HIVEP2: variants seen among roughly 807,000 people sequenced by gnomAD.
HIVEP2 encodes the protein HIVEP zinc finger 2.
HIVEP2 carries 14 observed loss-of-function variants against 180.7 expected under a neutral mutation model. The ratio of observed to expected loss-of-function variants is 0.08; its 90% CI spans 0.05 to 0.12. The LOEUF (loss-of-function observed/expected upper bound fraction) is 0.12, where lower values mean the gene tolerates loss of function less well. Ranked by LOEUF, HIVEP2 falls within the 10% of genes least tolerant of loss-of-function variation. The pLI, the probability that HIVEP2 is intolerant of heterozygous loss-of-function variation, is 1.00. For missense variants in HIVEP2, 2,579 were observed against 3,008.5 expected (o/e 0.86, Z 3.34); for synonymous variants, 1,184 against 1,136.4 (o/e 1.04, Z -0.84).
intron 1 of HIVEP2, among the ~76,000 whole-genome samples, chr6:142,847,806 T>C (rs553254535): frequency 1.3e-5 from 2 of 152,334 alleles, no homozygotes; most frequent in African/African-American, 4.8e-5. Context: ...AGACTACAAA[T>C]CTACATGAAG....
intron 1 of HIVEP2, among the ~76,000 whole-genome samples, chr6:142,880,750 T>TG (rs1326769199): frequency 2.0e-5 from 3 of 152,156 alleles, no homozygotes; most frequent in Non-Finnish European, 2.9e-5. Context: ...GGCCTACAAC[T>TG]GGGCTCTTCC....
At position 142,760,454 on chromosome 6, in the gene HIVEP2, G is replaced by A. The variant is rs1775199345; in HGVS notation, c.5834C>T (p.Ser1945Phe). ...TACGGCGCCAACATTCACAGGCAAG[G>A]AGGAGAATCTAGGAGGCTGAGGACT... ...STSPQPPRFSSLPVNVGAVPH... is the reference protein window; with the variant it reads ...STSPQPPRFSFLPVNVGAVPH... Residue 1945 changes from serine (S) to phenylalanine (F), a missense_variant, in exon 9 of 10, where the codon TCC becomes TTC. Physicochemically the swap from Ser to Phe is radical, Grantham distance 155 (BLOSUM62 -2). This residue lies in a region of HIVEP2 where 660 missense variants were observed against 731.7 expected (regional missense o/e 0.90). Coordinates refer to ENST00000367603, the MANE Select transcript of HIVEP2 (RefSeq NM_006734.4). 2 of 1,614,178 alleles carry A rather than the reference G, an allele frequency of 1.2e-6. No individual in the cohort carries two copies. Among genetic ancestry groups the A allele is most frequent in the African/African-American group, 1.3e-5 (1 of 75,036 alleles).
chr6:142,848,522 C>T (rs1011299289), intron 1 of HIVEP2, among the ~76,000 whole-genome samples: 3 of 151,920 alleles, frequency 2.0e-5, no homozygotes, highest in African/African-American at 4.8e-5. Context: ...GAGTTCAAGA[C>T]CAGCCTGAGC....
At chr6:142,899,471 A>T (rs1265468105) in intron 1 of HIVEP2, among the ~76,000 whole-genome samples, 3 of 152,230 alleles carry the variant, frequency 2.0e-5, no homozygotes, top group Non-Finnish European at 4.4e-5. Flanking sequence ...CCTTGGGGAC[A>T]CATGCCTGCT....
At position 142,760,155 on chromosome 6, in the gene HIVEP2, G is replaced by T; in HGVS notation, c.6133C>A (p.His2045Asn). ...GAAGAATCATATCCTGGAGAGGAAT[G>T]GTGGCTTGAGGGTGAGAAGTCCCTG... is the stretch of plus-strand genomic sequence containing the variant. ...SPRDFSPSSHHSSPGYDSSPC... is the reference protein window; with the variant it reads ...SPRDFSPSSHNSSPGYDSSPC... The change falls in exon 9 of 10, where the codon CAT becomes AAT. Residue 2045 changes from histidine to asparagine, a missense_variant. By Grantham distance (68) the His-to-Asn change is moderately conservative. This residue lies in a region of HIVEP2 where 660 missense variants were observed against 731.7 expected (regional missense o/e 0.90). Transcript: ENST00000367603. The T allele has an allele frequency of 6.2e-7, 1 of 1,614,152 alleles. No homozygotes were observed. Among genetic ancestry groups the T allele is most frequent in the Non-Finnish European group, 8.5e-7 (1 of 1,180,016 alleles).
chr6:142,793,669 T>C (rs62430686), intron 2 of HIVEP2, among the ~76,000 whole-genome samples: 5,346 of 95,702 alleles, frequency 0.056, 119 homozygotes, highest in Non-Finnish European at 0.074. Context: ...TTTTCTTTCT[T>C]TCTTTCTCTC....
At chr6:142,865,321 G>A in intron 1 of HIVEP2, among the ~76,000 whole-genome samples, 1 of 151,918 alleles carries the variant, frequency 6.6e-6, no homozygotes, top group East Asian at 1.9e-4. Flanking sequence ...ATGCTGTCAG[G>A]AGCATTTTAA....
At chr6:142,872,410 G>A (rs1158166915) in intron 1 of HIVEP2, among the ~76,000 whole-genome samples, 1 of 152,192 alleles carries the variant, frequency 6.6e-6, no homozygotes, top group South Asian at 2.1e-4. Flanking sequence ...GCAGGCAGCT[G>A]TTGGCAAAAA....
intron 1 of HIVEP2, among the ~76,000 whole-genome samples, chr6:142,856,835 A>G (rs1431370206): frequency 6.6e-6 from 1 of 152,240 alleles, no homozygotes; most frequent in Non-Finnish European, 1.5e-5. Context: ...CTCCCCAAAG[A>G]CACTGAGCCC....
In HIVEP2 at chr6:142,770,777, G is replaced by C; in HGVS notation, c.3962C>G (p.Ala1321Gly). 6.2e-7 allele frequency: 1 copy of C among 1,614,228 alleles called. No homozygotes were observed. Among genetic ancestry groups the C allele is most frequent in the Non-Finnish European group, 8.5e-7 (1 of 1,180,050 alleles). ...EQVLQEDFAS[A>G]NAGSLQSLPG... ...GAGGGACTGCAAAGACCCAGCATTT[G>C]CCGAGGCAAAATCTTCTTGAAGAAC... is the stretch of plus-strand genomic sequence containing the variant. The change falls in exon 5 of 10, where the codon GCA becomes GGA. Residue 1321 changes from alanine (A) to glycine (G), a missense_variant. Coordinates refer to ENST00000367603, the MANE Select transcript of HIVEP2 (RefSeq NM_006734.4). The surrounding 1 kb of genome is among the most constrained non-coding windows in gnomAD (Gnocchi z 4.7).
intron 1 of HIVEP2, among the ~76,000 whole-genome samples, chr6:142,857,284 A>G (rs529322080): frequency 5.7e-4 from 87 of 152,344 alleles, no homozygotes; most frequent in African/African-American, 2.0e-3. Context: ...CCAAATAAAA[A>G]GAGAATTCAA....
rs1365228482 is a variant in HIVEP2 at position 142,770,846 on chromosome 6, G to T, written c.3893C>A (p.Pro1298Gln). The T allele has an allele frequency of 1.2e-6, 2 of 1,614,070 alleles. No individual in the cohort carries two copies. The highest frequency in any genetic ancestry group is 2.7e-5 in the African/African-American group (2 of 74,936). ...LHPKNLLPKFPSDQSSKSTET... is the reference protein window; with the variant it reads ...LHPKNLLPKFQSDQSSKSTET... The stretch of plus-strand genomic sequence containing the variant: ...AGTTGACTTACTGCTCTGGTCTGAT[G>T]GAAACTTTGGAAGAAGGTTCTTTGG... Residue 1298 changes from proline (P) to glutamine (Q), a missense_variant, in exon 5 of 10, where the codon CCA becomes CAA. By Grantham distance (76) the Pro-to-Gln change is moderately conservative (BLOSUM62 -1). Coordinates refer to ENST00000367603, the MANE Select transcript of HIVEP2 (RefSeq NM_006734.4). The surrounding 1 kb of genome is among the most constrained non-coding windows in gnomAD (Gnocchi z 4.7).
In HIVEP2 at chr6:142,770,878, C is replaced by A; in HGVS notation, c.3861G>T (p.Gly1287=). ...TTGGAAGAAGGTTCTTTGGGTGTAG[C>A]CCTGATGCTCCTGAATAACATGGGT... The part of the protein sequence containing the change: ...QTYPCYSGAS[G]LHPKNLLPKF... The change falls in exon 5 of 10, where the codon GGG becomes GGT. Residue 1287 remains glycine, a synonymous_variant. Coordinates refer to ENST00000367603, the MANE Select transcript of HIVEP2 (RefSeq NM_006734.4). The surrounding 1 kb of genome is among the most constrained non-coding windows in gnomAD (Gnocchi z 4.7). 6.2e-7 allele frequency: 1 copy of A among 1,614,206 alleles called. No individual in the cohort carries two copies. Among genetic ancestry groups the A allele is most frequent in the Non-Finnish European group, 8.5e-7 (1 of 1,180,040 alleles).
intron 1 of HIVEP2, among the ~76,000 whole-genome samples, chr6:142,900,910 G>A (rs1472840789): frequency 6.6e-6 from 1 of 152,176 alleles, no homozygotes; most frequent in Non-Finnish European, 1.5e-5. Flanking sequence ...TGACAGAATA[G>A]GTTCTTCGTG....
intron 3 of HIVEP2, chr6:142,779,676 A>G (rs1775794627): frequency 6.6e-6 from 1 of 152,184 alleles, no homozygotes; most frequent in South Asian, 2.1e-4. Flanking sequence ...AAGTACATAC[A>G]ATTTTATAAA....
chr6:142,754,074 C>G (rs1775000590), intron 9 of HIVEP2, 143 bp from the exon 10 acceptor site: 1 of 556,164 alleles, frequency 1.8e-6, no homozygotes, highest in African/African-American at 1.9e-5. Flanking sequence ...ATCAAGTTTT[C>G]CTATTTCAAG....
chr6:142,945,490 C>A (rs973901288), upstream of HIVEP2, among the ~76,000 whole-genome samples: 19 of 152,172 alleles, frequency 1.2e-4, no homozygotes, highest in Non-Finnish European at 2.4e-4. This position sits in a 1 kb window ranked among gnomAD's most constrained non-coding sequence, Gnocchi z 5.5. Context: ...AGGCCACTTA[C>A]CGAGCCGAGG....
chr6:142,778,448 G>T (rs985961509), intron 3 of HIVEP2, among the ~76,000 whole-genome samples: 3 of 152,104 alleles, frequency 2.0e-5, no homozygotes, highest in African/African-American at 7.2e-5. Flanking sequence ...TTCAATTCAA[G>T]ACAAGCATGT....
chr6:142,852,600 A>G (rs1165161991), intron 1 of HIVEP2, among the ~76,000 whole-genome samples: 1 of 152,174 alleles, frequency 6.6e-6, no homozygotes, highest in Non-Finnish European at 1.5e-5. Flanking sequence ...TCTTAAATCC[A>G]CCACAGATAT....
Sources: gnomAD v4.1 joint callset for allele counts (sites outside exome capture counted in the v4.1 genomes callset) on GRCh38, gnomAD v4.1.1 for gene constraint, gnomAD v4.1.1 regional missense constraint, Gnocchi (gnomAD v3.1) non-coding constraint, MANE v1.5 for transcripts, NCBI Gene and HGNC (gene_info 2026-07-23, HGNC 2026-07-21) for gene names.